The following NKX2-2 variants were observed in gnomAD, a reference collection of about 807,000 sequenced individuals.
NKX2-2 encodes NK2 homeobox 2.
NKX2-2 carries 8 observed loss-of-function variants against 24.6 expected under a neutral mutation model. The observed-to-expected ratio is 0.32, with a 90% CI of 0.19 to 0.59. NKX2-2 has a LOEUF of 0.59. NKX2-2 is among the 20% of genes least tolerant of loss of function. The pLI, the probability that NKX2-2 is intolerant of heterozygous loss-of-function variation, is 0.86. For synonymous variants in NKX2-2, 217 were observed against 173.3 expected, an observed-to-expected ratio of 1.25 and a Z score of -1.98; for missense variants, 381 against 373.9, an observed-to-expected ratio of 1.02 and a Z score of -0.16.
the NKX2-2 span, among the ~76,000 whole-genome samples, chr20:21,520,595 C>T: frequency 1.2e-4 from 18 of 152,132 alleles, no homozygotes; most frequent in African/African-American, 4.3e-4. Flanking sequence ...ACTGTGGCTC[C>T]GGGCACGCTA....
rs1365034404 is a variant in NKX2-2 at position 21,513,358 on chromosome 20, G to A, written c.259+53C>T. 2 of 1,477,676 alleles carry A rather than the reference G, an allele frequency of 1.4e-6. No homozygotes were observed. The highest frequency in any genetic ancestry group is 2.5e-5 in the Admixed American group (1 of 40,790). 91.5% of individuals were successfully genotyped at this position (1,477,676 alleles called of 1,614,324 possible). On this transcript the variant is annotated intron_variant, in intron 1 of 1. Transcript: ENST00000377142. The surrounding 1 kb of genome is among the most constrained non-coding windows in gnomAD (Gnocchi z 4.6). ...ACTCCCAGCGTCCAACCCGGGCTGCGGCTGCAGGAATGGAGGGGACCACGG... is the reference window on the plus strand; with the variant it reads ...ACTCCCAGCGTCCAACCCGGGCTGCAGCTGCAGGAATGGAGGGGACCACGG...
At position 21,512,126 on chromosome 20, in the gene NKX2-2, C is replaced by A. The variant is rs1387867881; in HGVS notation, c.619G>T (p.Val207Phe). The A allele has an allele frequency of 1.2e-6, 2 of 1,613,586 alleles. No individual in the cohort carries two copies. The highest frequency in any genetic ancestry group is 1.7e-6 in the Non-Finnish European group (2 of 1,179,888). ...CATGGTTTGCCGTCCCTGACCAAGA[C>A]GGGCACGGCCACCCGGCGCGGCGAG... ...LPSPRRVAVPVLVRDGKPCHA... is the reference protein window; with the variant it reads ...LPSPRRVAVPFLVRDGKPCHA... Residue 207 changes from valine to phenylalanine, a missense_variant, in exon 2 of 2, where the codon GTC becomes TTC. Physicochemically the swap from Val to Phe is conservative, Grantham distance 50. Coordinates refer to ENST00000377142, the MANE Select transcript of NKX2-2 (RefSeq NM_002509.4).
At chr20:21,515,320 C>A (rs185519710), upstream of NKX2-2, among the ~76,000 whole-genome samples, 761 of 151,462 alleles carry the variant, frequency 5.0e-3, 21 homozygotes, top group Admixed American at 0.044. Flanking sequence ...CAGAAAGCTG[C>A]GGGGGAGGGG....
In NKX2-2 at chr20:21,513,931, C is replaced by T. The variant is rs1980537810; in HGVS notation, c.-262G>A. On this transcript the variant is annotated 5_prime_UTR_variant, in exon 1 of 2. Coordinates refer to ENST00000377142, the MANE Select transcript of NKX2-2 (RefSeq NM_002509.4). The surrounding 1 kb of genome is among the most constrained non-coding windows in gnomAD (Gnocchi z 4.6). ...GCACGCGGAAATGGACGCAGGAAGC[C>T]GGGCGGCCTGCGCGCCGAGCGCCGC... The T allele has an allele frequency of 3.7e-6, 1 of 267,478 alleles. No individual in the cohort carries two copies. The highest frequency in any genetic ancestry group is 2.2e-5 in the African/African-American group (1 of 45,462). The allele number at this position is 267,478 out of a possible 1,614,324, so 16.6% of individuals were successfully genotyped here.
chr20:21,512,433 C>A lies in NKX2-2; in HGVS notation c.312G>T (p.Pro104=). Residue 104 remains proline (P), a synonymous_variant, in exon 2 of 2, where the codon CCG becomes CCT. Transcript: ENST00000377142. ...CCGGTGACTCGTCGGCCGAGGGCTC[C>A]GGGGACTTGGAGCTTGAGTCCTGAG... ...APPQDSSSKS[P]EPSADESPDN... The A allele has an allele frequency of 6.3e-7, 1 of 1,590,896 alleles. No individual in the cohort carries two copies. Among genetic ancestry groups the A allele is most frequent in the Non-Finnish European group, 8.5e-7 (1 of 1,175,068 alleles).
At position 21,512,073 on chromosome 20, in the gene NKX2-2, T is replaced by A; in HGVS notation, c.672A>T (p.Ala224=). 2 of 1,613,812 alleles carry A rather than the reference T, an allele frequency of 1.2e-6. No homozygotes were observed. Among genetic ancestry groups the A allele is most frequent in the Middle Eastern group, 1.7e-4 (1 of 6,054 alleles). The change falls in exon 2 of 2, where the codon GCA becomes GCT. Residue 224 remains alanine, a synonymous_variant. Transcript: ENST00000377142. ...PCHALKAQDL[A]AATFQAGIPF... The stretch of plus-strand genomic sequence containing the variant: ...GAATGCCCGCCTGGAAGGTGGCGGC[T>A]GCCAGGTCCTGGGCTTTGAGCGCGT...
upstream of NKX2-2, among the ~76,000 whole-genome samples, chr20:21,515,889 C>T (rs1354082487): frequency 6.6e-6 from 1 of 152,224 alleles, no homozygotes; most frequent in Non-Finnish European, 1.5e-5. Context: ...CTTTCTGCAG[C>T]CCTAGCTGCC....
rs777180442 is a variant in NKX2-2 at position 21,513,507 on chromosome 20, C to A, written c.163G>T (p.Ala55Ser). The change falls in exon 1 of 2, where the codon GCG becomes TCG. Residue 55 changes from alanine to serine, a missense_variant. Physicochemically the swap from Ala to Ser is moderately conservative, Grantham distance 99 (BLOSUM62 1). Transcript: ENST00000377142. The surrounding 1 kb of genome is among the most constrained non-coding windows in gnomAD (Gnocchi z 4.6). Reference protein sequence around the residue: ...AGPLGQGALDAVQSLPLKNPF... With the variant: ...AGPLGQGALDSVQSLPLKNPF... Reference sequence around the variant, plus strand: ...TTCTTCAGGGGCAGGCTCTGCACCGCGTCCAGGGCGCCCTGCCCCAGCGGC... The same window carrying A: ...TTCTTCAGGGGCAGGCTCTGCACCGAGTCCAGGGCGCCCTGCCCCAGCGGC... 15 of 1,612,870 alleles carry A rather than the reference C, an allele frequency of 9.3e-6. No homozygotes were observed. The highest frequency in any genetic ancestry group is 4.4e-5 in the South Asian group (4 of 90,838).
At chr20:21,515,179 C>T (rs987573212), upstream of NKX2-2, among the ~76,000 whole-genome samples, 1 of 152,086 alleles carries the variant, frequency 6.6e-6, no homozygotes, top group African/African-American at 2.4e-5. Flanking sequence ...CTCTTTCCTG[C>T]CCTCTATTAT....
chr20:21,517,450 T>A (rs1206258480), upstream of NKX2-2, among the ~76,000 whole-genome samples: 1 of 152,202 alleles, frequency 6.6e-6, no homozygotes, highest in Non-Finnish European at 1.5e-5. Context: ...CATTTCCCCA[T>A]CACTTCTCGT....
chr20:21,519,144 C>T, the NKX2-2 span, among the ~76,000 whole-genome samples: 6 of 152,356 alleles, frequency 3.9e-5, no homozygotes, highest in Admixed American at 3.9e-4. Context: ...AATCATTAAA[C>T]ACACAAGGTC....
the NKX2-2 span, among the ~76,000 whole-genome samples, chr20:21,521,214 G>A: frequency 3.0e-3 from 460 of 152,112 alleles, 2 homozygotes; most frequent in South Asian, 6.4e-3. Flanking sequence ...TCCCCTAGAC[G>A]CAACGTCCCC....
chr20:21,512,994 C>T (rs2122542794), intron 1 of NKX2-2, among the ~76,000 whole-genome samples: 1 of 152,270 alleles, frequency 6.6e-6, no homozygotes, highest in Middle Eastern at 3.4e-3. Context: ...CTATTTATAC[C>T]CGGGCCACCC....
At chr20:21,516,990 CCTCA>C (rs1489794930), upstream of NKX2-2, among the ~76,000 whole-genome samples, 1 of 152,236 alleles carries the variant, frequency 6.6e-6, no homozygotes, top group Non-Finnish European at 1.5e-5. Context: ...AGTCCCCTCC[CCTCA>C]CCCGTGGGAG....
chr20:21,517,130 T>C (rs1322205304), upstream of NKX2-2, among the ~76,000 whole-genome samples: 1 of 152,160 alleles, frequency 6.6e-6, no homozygotes, highest in Non-Finnish European at 1.5e-5. Flanking sequence ...AGCCCAGTTC[T>C]CAAAGGTCGG....
At chr20:21,515,234 T>TGGAGCAGCGGGAAGGCGGC (rs1384978095), upstream of NKX2-2, among the ~76,000 whole-genome samples, 1 of 94,212 alleles carries the variant, frequency 1.1e-5, no homozygotes, top group Non-Finnish European at 2.2e-5. Context: ...TGGCTAGAGG[T>TGGAGCAGCGGGAAGGCGGC]GGAGCAGCGG....
At chr20:21,515,453 A>G (rs926259704), upstream of NKX2-2, among the ~76,000 whole-genome samples, 5 of 152,078 alleles carry the variant, frequency 3.3e-5, no homozygotes, top group Non-Finnish European at 7.4e-5. Context: ...CCACGTTTCC[A>G]GGTTAAGTCA....
chr20:21,512,321 C>A lies in NKX2-2; in HGVS notation c.424G>T (p.Glu142Ter). 1 of 1,613,330 alleles carries A rather than the reference C, an allele frequency of 6.2e-7. No homozygotes were observed. The highest frequency in any genetic ancestry group is 8.5e-7 in the Non-Finnish European group (1 of 1,179,790). ...RVLFSKAQTY[E>*]LERRFRQQRY... Reference sequence around the variant, plus strand: ...TGCTGCCGAAAGCGCCGCTCCAGCTCGTAGGTCTGCGCCTTGGAGAAAAGC... The same window carrying A: ...TGCTGCCGAAAGCGCCGCTCCAGCTAGTAGGTCTGCGCCTTGGAGAAAAGC... The change falls in exon 2 of 2, where the codon GAG becomes TAG. Residue 142 changes from glutamate (E) to a stop codon, truncating the protein, a stop_gained. Transcript: ENST00000377142. LOFTEE classifies it high-confidence loss of function.
At chr20:21,522,241 G>A in the NKX2-2 span, among the ~76,000 whole-genome samples, 338 of 152,338 alleles carry the variant, frequency 2.2e-3, no homozygotes, top group South Asian at 0.013. Context: ...GCGGCTTGGG[G>A]ATCGAGCCGA....
Sources: gnomAD v4.1 joint callset for allele counts (sites outside exome capture counted in the v4.1 genomes callset) on GRCh38, gnomAD v4.1.1 for gene constraint, Gnocchi (gnomAD v3.1) non-coding constraint, MANE v1.5 for transcripts, NCBI Gene and HGNC (gene_info 2026-07-23, HGNC 2026-07-21) for gene names.